The following PRKAR1B variants were observed in gnomAD, a reference collection of about 807,000 sequenced individuals.
The protein encoded by PRKAR1B is protein kinase cAMP-dependent type I regulatory subunit beta, also known as cAMP-dependent protein kinase type I-beta regulatory subunit.
Under a neutral mutation model 46.5 loss-of-function variants are expected in PRKAR1B, and 22 were observed. That is an observed-to-expected ratio of 0.47 (90% CI 0.34 to 0.68). The LOEUF (loss-of-function observed/expected upper bound fraction) is 0.68, where lower values mean the gene tolerates loss of function less well. PRKAR1B is among the 30% of genes least tolerant of loss of function. The probability of loss-of-function intolerance (pLI) is 0.01; values close to 1 mark genes in which losing one functional copy is unlikely to be tolerated. For missense variants in PRKAR1B, 445 were observed against 535.6 expected (o/e 0.83, Z 1.67); for synonymous variants, 259 against 217.7 (o/e 1.19, Z -1.67).
At chr7:682,638 C>T (rs1027734405) in intron 2 of PRKAR1B, among the ~76,000 whole-genome samples, 5 of 151,654 alleles carry the variant, frequency 3.3e-5, no homozygotes, top group African/African-American at 4.9e-5. Context: ...CCAGCTACTC[C>T]GGAGGCTGAG....
chr7:711,136 G>A (rs1780601970), intron 2 of PRKAR1B, among the ~76,000 whole-genome samples, 193 bp downstream of exon 2: 1 of 152,112 alleles, frequency 6.6e-6, no homozygotes, highest in African/African-American at 2.4e-5. Context: ...TGAATCTCGG[G>A]AGACCAAACA....
intron 4 of PRKAR1B, among the ~76,000 whole-genome samples, chr7:654,792 CTATCACCATTTT>C (rs1158278463): frequency 6.6e-6 from 1 of 152,078 alleles, no homozygotes; most frequent in African/African-American, 2.4e-5. Context: ...ATCACCATCA[CTATCACCATTTT>C]TATCACCATT....
chr7:568,375 A>C (rs1779298437), intron 9 of PRKAR1B, among the ~76,000 whole-genome samples: 2 of 152,354 alleles, frequency 1.3e-5, no homozygotes, highest in South Asian at 4.1e-4. Flanking sequence ...AGCAGGCCAC[A>C]GCTGTGGGAC....
chr7:682,269 G>A (rs571455958), intron 2 of PRKAR1B, among the ~76,000 whole-genome samples: 1 of 152,294 alleles, frequency 6.6e-6, no homozygotes, highest in East Asian at 1.9e-4. Flanking sequence ...GGGAAATGAA[G>A]ACACATGTCC....
At chr7:688,058 T>A (rs953917361) in intron 2 of PRKAR1B, among the ~76,000 whole-genome samples, 2 of 132,516 alleles carry the variant, frequency 1.5e-5, no homozygotes, top group Admixed American at 1.8e-4. Context: ...ATCATGCCAC[T>A]GCACTCCAGC....
intron 4 of PRKAR1B, among the ~76,000 whole-genome samples, chr7:618,040 C>A (rs1043526748): frequency 6.6e-6 from 1 of 152,154 alleles, no homozygotes; most frequent in Admixed American, 6.5e-5. Flanking sequence ...CCCCTCACCG[C>A]CCCCACCAAA....
chr7:630,816 C>A (rs567700427), intron 4 of PRKAR1B, among the ~76,000 whole-genome samples: 70 of 152,250 alleles, frequency 4.6e-4, no homozygotes, highest in Non-Finnish European at 5.6e-4. Flanking sequence ...ACCCCCCCCA[C>A]CATCTCCAGG....
At chr7:665,693 C>T (rs1195022483) in intron 4 of PRKAR1B, among the ~76,000 whole-genome samples, 1 of 152,110 alleles carries the variant, frequency 6.6e-6, no homozygotes, top group African/African-American at 2.4e-5. Flanking sequence ...TTAATGTTGC[C>T]CGAAAGGGAA....
chr7:611,519 C>T (rs1782491928), intron 4 of PRKAR1B, among the ~76,000 whole-genome samples: 1 of 152,248 alleles, frequency 6.6e-6, no homozygotes, highest in Admixed American at 6.5e-5. Flanking sequence ...CCGCCCACAC[C>T]ACTCCCGATC....
chr7:551,244 T>C, intron 10 of PRKAR1B, 145 bp downstream of exon 10: 2 of 767,292 alleles, frequency 2.6e-6, no homozygotes, highest in South Asian at 3.6e-5. Context: ...CTGAGCCTTC[T>C]GTTGCAGCCA....
chr7:679,725 G>A (rs1470329464), intron 3 of PRKAR1B, among the ~76,000 whole-genome samples: 1 of 152,146 alleles, frequency 6.6e-6, no homozygotes, highest in Non-Finnish European at 1.5e-5. Flanking sequence ...GGACTGACTT[G>A]TGTCTCCCCA....
chr7:608,264 C>T (rs1237751460), intron 4 of PRKAR1B: 3 of 152,270 alleles, frequency 2.0e-5, no homozygotes, highest in Admixed American at 6.5e-5. Context: ...AAACCAGAGA[C>T]CCAGGCAGGG....
At chr7:704,795 A>G (rs907821531) in intron 2 of PRKAR1B, among the ~76,000 whole-genome samples, 4 of 152,226 alleles carry the variant, frequency 2.6e-5, no homozygotes, top group Admixed American at 2.0e-4. Flanking sequence ...TAAACAAGCC[A>G]CATACTAGAA....
chr7:632,098 C>T (rs940481640), intron 4 of PRKAR1B, among the ~76,000 whole-genome samples: 1 of 152,214 alleles, frequency 6.6e-6, no homozygotes, highest in African/African-American at 2.4e-5. Context: ...CCAGCGTCTC[C>T]GTGTGACCCT....
intron 2 of PRKAR1B, 135 bp from the exon 3 acceptor site, chr7:680,861 G>A (rs1301953202): frequency 1.4e-5 from 14 of 1,021,524 alleles, no homozygotes; most frequent in East Asian, 5.7e-5. Flanking sequence ...TTGGACATAC[G>A]GTTAGGCTTT....
chr7:725,196 A>T (rs546112468), intron 1 of PRKAR1B, among the ~76,000 whole-genome samples: 6 of 151,356 alleles, frequency 4.0e-5, no homozygotes, highest in Non-Finnish European at 8.8e-5. Flanking sequence ...GCTGGGCGAC[A>T]GAGCAAGATT....
At chr7:554,361 A>G (rs1300156622) in intron 9 of PRKAR1B, among the ~76,000 whole-genome samples, 6 of 152,264 alleles carry the variant, frequency 3.9e-5, no homozygotes, top group Admixed American at 3.9e-4. Flanking sequence ...CCTTGCGGAC[A>G]GACGTCATCG....
rs986822900 is a variant in PRKAR1B at position 576,165 on chromosome 7, G to A, written c.891+3091C>T. On this transcript the variant is annotated intron_variant, in intron 9 of 10. Coordinates refer to ENST00000537384, the MANE Select transcript of PRKAR1B (RefSeq NM_001164760.2). ...GGCATCCTCTCCTCTGCAGACGGGC[G>A]GGCGTGCACGCTGGCATCCTCTCCT... 1.1e-4 allele frequency among the ~76,000 whole-genome samples: 15 copies of A among 137,666 alleles called. 1 individual carries two copies. Among genetic ancestry groups the A allele is most frequent in the African/African-American group, 3.0e-4 (11 of 36,374 alleles). The allele number at this position is 137,666 out of a possible 152,430, so 90.3% of individuals were successfully genotyped here.
intron 4 of PRKAR1B, among the ~76,000 whole-genome samples, chr7:616,641 G>A (rs111428878): frequency 0.032 from 4,831 of 152,308 alleles, 97 homozygotes; most frequent in Non-Finnish European, 0.049. Context: ...GCCACGCACC[G>A]CTTTGGCTGA....
Sources: gnomAD v4.1 joint callset for allele counts (sites outside exome capture counted in the v4.1 genomes callset) on GRCh38, gnomAD v4.1.1 for gene constraint, MANE v1.5 for transcripts, NCBI Gene and HGNC (gene_info 2026-07-23, HGNC 2026-07-21) for gene names.